DDX23: variants seen among roughly 807,000 people sequenced by gnomAD.
The protein encoded by DDX23 is probable ATP-dependent RNA helicase DDX23.
DDX23 carries 33 observed loss-of-function variants against 102.7 expected under a neutral mutation model. The ratio of observed to expected loss-of-function variants is 0.32; its 90% CI spans 0.24 to 0.43. The LOEUF is 0.43. Ranked by LOEUF, DDX23 falls within the 20% of genes least tolerant of loss-of-function variation. DDX23 has a pLI of 1.00. For missense variants in DDX23, 549 were observed against 1,086.6 expected (o/e 0.51, Z 6.96); for synonymous variants, 352 against 376.0 (o/e 0.94, Z 0.74).
At chr12:48,840,230 TATC>T in intron 3 of DDX23, 124 bp from the exon 4 acceptor site, 1 of 789,636 alleles carries the variant, frequency 1.3e-6, no homozygotes, top group South Asian at 1.4e-5. Flanking sequence ...CATGGTCATC[TATC>T]ATGTCTTGAA....
chr12:48,850,320 A>G (rs982041116), intron 1 of DDX23, among the ~76,000 whole-genome samples: 1 of 152,250 alleles, frequency 6.6e-6, no homozygotes, highest in Non-Finnish European at 1.5e-5. Context: ...AGTTTCAGCA[A>G]CCTAATAGTT....
chr12:48,835,722 CA>C (rs1188608254), intron 11 of DDX23, among the ~76,000 whole-genome samples: 3 of 151,408 alleles, frequency 2.0e-5, no homozygotes, highest in South Asian at 2.1e-4. Context: ...AAAAACAAAA[CA>C]AAACAAAAAA....
In DDX23 at chr12:48,832,092, G is replaced by A; in HGVS notation, c.2050C>T (p.Leu684=). ...GCCAGACACACCCCCATCTTCTCCA[G>A]GGATTTGGCCAACACGTCGCAGCCC... ...KKGCDVLAKS[L]EKMGYNACTL... The change falls in exon 15 of 17, where the codon CTG becomes TTG. Residue 684 remains leucine, a synonymous_variant. Coordinates refer to ENST00000308025, the MANE Select transcript of DDX23 (RefSeq NM_004818.3). This position sits in a 1 kb window ranked among gnomAD's most constrained non-coding sequence, Gnocchi z 4.4. 1 of 1,614,012 alleles carries A rather than the reference G, an allele frequency of 6.2e-7. No individual in the cohort carries two copies. Among genetic ancestry groups the A allele is most frequent in the Non-Finnish European group, 8.5e-7 (1 of 1,180,006 alleles).
At chr12:48,851,343 T>C (rs1459276993) in intron 1 of DDX23, among the ~76,000 whole-genome samples, 1 of 151,986 alleles carries the variant, frequency 6.6e-6, no homozygotes, top group Non-Finnish European at 1.5e-5. Context: ...CGTGGCGGCG[T>C]GCGCCTGTAA....
In DDX23 at chr12:48,829,955, A is replaced by G. The variant is rs1267932175; in HGVS notation, c.*514T>C. On this transcript the variant is annotated 3_prime_UTR_variant, in exon 17 of 17. Transcript: ENST00000308025. ...TTGGTGCGGGGCTGTGCACAGGTCT[A>G]AAGACTCTCAACTTCCTTTACCATC... is the stretch of plus-strand genomic sequence containing the variant. The G allele has an allele frequency of 1.1e-5, 4 of 356,118 alleles. No homozygotes were observed. Among genetic ancestry groups the G allele is most frequent in the African/African-American group, 6.4e-5 (3 of 46,808 alleles). The allele number at this position is 356,118 out of a possible 1,614,324, so 22.1% of individuals were successfully genotyped here. A position where few individuals can be genotyped will look rare whatever the true frequency, so the allele number is the denominator to read the frequency against.
Position 48,836,870 on chromosome 12 carries a change from G to A in DDX23, c.1010+24C>T, listed in dbSNP as rs372308767. On this transcript the variant is annotated intron_variant, in intron 9 of 16. Coordinates refer to ENST00000308025, the MANE Select transcript of DDX23 (RefSeq NM_004818.3). The surrounding 1 kb of genome is among the most constrained non-coding windows in gnomAD (Gnocchi z 6.1). The stretch of plus-strand genomic sequence containing the variant: ...CTGTAGAGCCTCTGGGCTCTGTCCA[G>A]CCACCCTAGCCTTGATCACTCACTC... 2.2e-5 allele frequency: 35 copies of A among 1,613,792 alleles called. 1 individual carries two copies. In the South Asian group the frequency reaches 3.7e-4, roughly 17 times the overall value.
At position 48,836,616 on chromosome 12, in the gene DDX23, A is replaced by G. The variant is rs771380739; in HGVS notation, c.1189T>C (p.Ser397Pro). The stretch of plus-strand genomic sequence containing the variant: ...ACCTCCAAGATGTGTGGGGGCAGAG[A>G]AGAGTCTTTCCAGGATCGGATGGGA... ...PNPIRSWKDS[S>P]LPPHILEVID... Residue 397 changes from serine to proline, a missense_variant, in exon 10 of 17, where the codon TCT (serine) becomes CCT (proline). Physicochemically the swap from Ser to Pro is moderately conservative, Grantham distance 74 (BLOSUM62 -1). Around this residue, in one of 4 missense-constraint regions of DDX23, gnomAD observed 270 missense variants for 707.0 expected, o/e 0.38. Transcript: ENST00000308025. This position sits in a 1 kb window ranked among gnomAD's most constrained non-coding sequence, Gnocchi z 6.1. 5 of 1,614,064 alleles carry G rather than the reference A, an allele frequency of 3.1e-6. No homozygotes were observed. In the South Asian group the frequency reaches 5.5e-5, roughly 18 times the overall value.
Position 48,829,795 on chromosome 12 carries a change from CAA to C in DDX23, c.*672_*673del, listed in dbSNP as rs1938352052. 4.7e-6 allele frequency: 1 copy of C among 210,942 alleles called. No individual in the cohort carries two copies. The highest frequency in any genetic ancestry group is 5.2e-5 in the Admixed American group (1 of 19,062). 13.1% of individuals were successfully genotyped at this position (210,942 alleles called of 1,614,324 possible). On this transcript the variant is annotated 3_prime_UTR_variant, in exon 17 of 17. Transcript: ENST00000308025. ...TTCATGTATTTATTCTCAGAACATA[CAA>C]ACTTATCTTCTCAGAGAATAGAAAA... is the stretch of plus-strand genomic sequence containing the variant.
At position 48,832,400 on chromosome 12, in the gene DDX23, C is replaced by T; in HGVS notation, c.1955+22G>A. The T allele has an allele frequency of 6.2e-7, 1 of 1,607,814 alleles. No individual in the cohort carries two copies. The highest frequency in any genetic ancestry group is 1.3e-5 in the African/African-American group (1 of 74,936). Reference sequence around the variant, plus strand: ...CCATTTTATTCTCCACCCTGTTTCCCCTGGCTCAGCTGCCCTCATACCTCT... The same window carrying T: ...CCATTTTATTCTCCACCCTGTTTCCTCTGGCTCAGCTGCCCTCATACCTCT... On this transcript the variant is annotated intron_variant, in intron 14 of 16. Coordinates refer to ENST00000308025, the MANE Select transcript of DDX23 (RefSeq NM_004818.3). This position sits in a 1 kb window ranked among gnomAD's most constrained non-coding sequence, Gnocchi z 4.4.
At chr12:48,837,133 A>C in intron 8 of DDX23, 96 bp from the exon 9 acceptor site, 2 of 1,573,702 alleles carry the variant, frequency 1.3e-6, no homozygotes, top group South Asian at 2.3e-5. Context: ...CTTCCCAGAC[A>C]GGGTCTTTCT....
At position 48,832,855 on chromosome 12, in the gene DDX23, C is replaced by A; in HGVS notation, c.1804-282G>T. 1 of 489,802 alleles carries A rather than the reference C, an allele frequency of 2.0e-6. No homozygotes were observed. The highest frequency in any genetic ancestry group is 3.6e-6 in the Non-Finnish European group (1 of 274,894). 30.3% of individuals were successfully genotyped at this position (489,802 alleles called of 1,614,324 possible). Reference sequence around the variant, plus strand: ...AGTCTTTGGAATCGTTTTTCCAGGGCTAAGCTAAATGGCTCCACCCTTAGG... The same window carrying A: ...AGTCTTTGGAATCGTTTTTCCAGGGATAAGCTAAATGGCTCCACCCTTAGG... On this transcript the variant is annotated intron_variant, in intron 13 of 16. Transcript: ENST00000308025. The surrounding 1 kb of genome is among the most constrained non-coding windows in gnomAD (Gnocchi z 4.4).
At chr12:48,843,868 A>C (rs1171105415) in intron 3 of DDX23, 72 bp downstream of exon 3, 1 of 1,528,846 alleles carries the variant, frequency 6.5e-7, no homozygotes, top group Non-Finnish European at 9.1e-7. Context: ...TTTCATAAGA[A>C]GCTGAGCAAA....
chr12:48,837,022 G>C lies in DDX23; in HGVS notation c.882C>G (p.His294Gln). Residue 294 changes from histidine to glutamine, a missense_variant, in exon 9 of 17, where the codon CAC (histidine) becomes CAG (glutamine). By Grantham distance (24) the His-to-Gln change is conservative. This residue lies in a region of DDX23 where 270 missense variants were observed against 707.0 expected (regional missense o/e 0.38). Coordinates refer to ENST00000308025, the MANE Select transcript of DDX23 (RefSeq NM_004818.3). ...AGCCTCGCCCTAACAACTGCACCTG[G>C]TGCCGTTCTTTGTACCTGGGATTGA... is the stretch of plus-strand genomic sequence containing the variant. ...IDYNPLYKER[H>Q]QVQLLGRGFI... The C allele has an allele frequency of 6.2e-7, 1 of 1,613,944 alleles. No individual in the cohort carries two copies. The highest frequency in any genetic ancestry group is 8.5e-7 in the Non-Finnish European group (1 of 1,180,018).
At chr12:48,850,518 G>A (rs1938739118) in intron 1 of DDX23, among the ~76,000 whole-genome samples, 1 of 152,140 alleles carries the variant, frequency 6.6e-6, no homozygotes, top group African/African-American at 2.4e-5. Flanking sequence ...CCAATACACA[G>A]ATAGCTTTTA....
Position 48,832,568 on chromosome 12 carries a change from G to A in DDX23, c.1809C>T (p.Val603=). ...CTGGGGGCATGGTGGCCGTGAACAT[G>A]ACTGTCTACGAAAACAGGAGGCTCA... The part of the protein sequence containing the change: ...ESGKHKYRQT[V]MFTATMPPAV... The change falls in exon 14 of 17, where the codon GTC becomes GTT. Residue 603 remains valine, a synonymous_variant. Coordinates refer to ENST00000308025, the MANE Select transcript of DDX23 (RefSeq NM_004818.3). This position sits in a 1 kb window ranked among gnomAD's most constrained non-coding sequence, Gnocchi z 4.4. The A allele has an allele frequency of 6.2e-7, 1 of 1,613,820 alleles. No homozygotes were observed. The highest frequency in any genetic ancestry group is 8.5e-7 in the Non-Finnish European group (1 of 1,179,782).
At chr12:48,848,893 A>G (rs2137498504) in intron 1 of DDX23, among the ~76,000 whole-genome samples, 1 of 152,064 alleles carries the variant, frequency 6.6e-6, no homozygotes, top group East Asian at 1.9e-4. Flanking sequence ...TTGGGATTAC[A>G]GGCGCGTGCC....
In DDX23 at chr12:48,830,646, C is replaced by G; in HGVS notation, c.2286G>C (p.Gly762=). 1 of 1,613,900 alleles carries G rather than the reference C, an allele frequency of 6.2e-7. No homozygotes were observed. Among genetic ancestry groups the G allele is most frequent in the South Asian group, 1.1e-5 (1 of 91,044 alleles). The part of the protein sequence containing the change: ...IGRTGRAGKS[G]VAITFLTKED... Reference sequence around the variant, plus strand: ...CTTTTGTGAGGAAGGTGATGGCCACCCCACTCTTGCCTGCTCGTCCCGTGC... The same window carrying G: ...CTTTTGTGAGGAAGGTGATGGCCACGCCACTCTTGCCTGCTCGTCCCGTGC... Residue 762 remains glycine, a synonymous_variant, in exon 17 of 17, where the codon GGG becomes GGC. Coordinates refer to ENST00000308025, the MANE Select transcript of DDX23 (RefSeq NM_004818.3). This position sits in a 1 kb window ranked among gnomAD's most constrained non-coding sequence, Gnocchi z 4.9.
chr12:48,839,764 T>C, intron 5 of DDX23, 80 bp downstream of exon 5: 1 of 1,433,340 alleles, frequency 7.0e-7, no homozygotes, highest in South Asian at 1.2e-5. Context: ...GAAAATTAAC[T>C]TCTGTCGTTG....
At chr12:48,831,881 G>C in intron 15 of DDX23, 197 bp downstream of exon 15, 1 of 595,928 alleles carries the variant, frequency 1.7e-6, no homozygotes, top group Admixed American at 3.1e-5. Flanking sequence ...TGGCATTACT[G>C]CAGCAGACAG....
Sources: allele counts gnomAD v4.1 joint callset (sites outside exome capture counted in the v4.1 genomes callset), GRCh38; gene constraint gnomAD v4.1.1; regional missense constraint gnomAD v4.1.1; non-coding constraint Gnocchi (gnomAD v3.1); transcripts MANE v1.5; gene names NCBI Gene and HGNC (gene_info 2026-07-23, HGNC 2026-07-21).